The following MAP3K20 variants were observed in gnomAD, a reference collection of about 807,000 sequenced individuals.
The protein encoded by MAP3K20 is mitogen-activated protein kinase kinase kinase 20, also known as HCCS-4.
Under a neutral mutation model 85.7 loss-of-function variants are expected in MAP3K20, and 40 were observed. The observed-to-expected ratio is 0.47, with a 90% CI of 0.36 to 0.61. MAP3K20 has a LOEUF of 0.61. Among genes scored for constraint, MAP3K20 ranks in the 20% least tolerant of loss-of-function variants. The pLI is 0.00. For missense variants in MAP3K20, 817 were observed against 961.7 expected (o/e 0.85, Z 1.99); for synonymous variants, 325 against 327.7 (o/e 0.99, Z 0.09).
At chr2:173,105,252 A>C (rs967500716) in intron 2 of MAP3K20, among the ~76,000 whole-genome samples, 4 of 152,174 alleles carry the variant, frequency 2.6e-5, no homozygotes, top group Non-Finnish European at 2.9e-5. Context: ...GGGGCTAGGA[A>C]GGTTGCAGTG....
chr2:173,241,139 TAGAC>T (rs1684770897), intron 16 of MAP3K20, among the ~76,000 whole-genome samples: 3 of 152,256 alleles, frequency 2.0e-5, no homozygotes, highest in Admixed American at 6.5e-5. Flanking sequence ...GGTGAAAACA[TAGAC>T]AGAATGAATA....
At chr2:173,085,872 A>G (rs955258902) in intron 1 of MAP3K20, among the ~76,000 whole-genome samples, 1 of 132,230 alleles carries the variant, frequency 7.6e-6, no homozygotes, top group Non-Finnish European at 1.5e-5. Flanking sequence ...CTTGGCTCAC[A>G]GTAACCTCTG....
chr2:173,115,367 C>T (rs1003832018), intron 2 of MAP3K20, among the ~76,000 whole-genome samples: 3 of 152,082 alleles, frequency 2.0e-5, no homozygotes, highest in African/African-American at 7.2e-5. Flanking sequence ...CTGGTCCTTC[C>T]CTGATTAGCT....
At chr2:173,265,915 C>T in intron 19 of MAP3K20, 135 bp from the exon 20 acceptor site, 2 of 862,960 alleles carry the variant, frequency 2.3e-6, no homozygotes, top group South Asian at 1.8e-5. Flanking sequence ...CGTCCTTATA[C>T]ATAGCCTAGA....
chr2:173,190,876 TCC>T lies in MAP3K20; in HGVS notation c.416-18_416-17del. On this transcript the variant is annotated splice_polypyrimidine_tract_variant and intron_variant, in intron 5 of 19. Transcript: ENST00000375213. Reference sequence around the variant, plus strand: ...CAAATTAGATGATTGTCATAATTTATCCTTTTTTCTTTTTTTAGTTGTTATAG... The same window carrying T: ...CAAATTAGATGATTGTCATAATTTATTTTTTTCTTTTTTTAGTTGTTATAG... 5 of 1,575,346 alleles carry T rather than the reference TCC, an allele frequency of 3.2e-6. No individual in the cohort carries two copies. In the South Asian group the frequency reaches 5.7e-5, roughly 18 times the overall value.
chr2:173,221,645 G>C, intron 11 of MAP3K20: 1 of 1,344,846 alleles, frequency 7.4e-7, no homozygotes, highest in African/African-American at 1.5e-5. Flanking sequence ...TGCATTTTTA[G>C]GCCAATCACA....
intron 2 of MAP3K20, among the ~76,000 whole-genome samples, chr2:173,121,488 G>T (rs1047899888): frequency 3.3e-5 from 5 of 151,992 alleles, no homozygotes; most frequent in Non-Finnish European, 7.4e-5. Context: ...CCGGGTTCAC[G>T]CCATTCTCCT....
intron 2 of MAP3K20, among the ~76,000 whole-genome samples, chr2:173,112,041 G>A (rs577981242): frequency 3.2e-4 from 48 of 152,198 alleles, no homozygotes; most frequent in African/African-American, 8.2e-4. Flanking sequence ...CTACCCATCC[G>A]TGAGCATGGG....
chr2:173,162,013 A>G (rs958005324), intron 2 of MAP3K20, among the ~76,000 whole-genome samples: 9 of 152,202 alleles, frequency 5.9e-5, no homozygotes, highest in Non-Finnish European at 1.3e-4. Flanking sequence ...TACATATAAC[A>G]TGCCTGTACT....
intron 2 of MAP3K20, among the ~76,000 whole-genome samples, chr2:173,104,268 C>A (rs6759847): frequency 0.79 from 119,477 of 152,080 alleles, 47,240 homozygotes; most frequent in East Asian, 0.86. Flanking sequence ...ATTTGGTGAG[C>A]AAAGCATTTT....
At chr2:173,104,975 T>G (rs1166494089) in intron 2 of MAP3K20, among the ~76,000 whole-genome samples, 2 of 151,114 alleles carry the variant, frequency 1.3e-5, no homozygotes, top group Non-Finnish European at 3.0e-5. Flanking sequence ...TGGAGTGGAG[T>G]GTGTGAGGGA....
At chr2:173,161,989 G>C (rs1452256163) in intron 2 of MAP3K20, among the ~76,000 whole-genome samples, 6 of 152,066 alleles carry the variant, frequency 3.9e-5, no homozygotes, top group Non-Finnish European at 8.8e-5. Flanking sequence ...GTAGTCATAT[G>C]TTCTTATATA....
At chr2:173,112,036 C>T (rs1687989810) in intron 2 of MAP3K20, among the ~76,000 whole-genome samples, 2 of 152,190 alleles carry the variant, frequency 1.3e-5, no homozygotes, top group South Asian at 4.2e-4. Flanking sequence ...TGATTCTACC[C>T]ATCCGTGAGC....
At chr2:173,076,822 G>T (rs954246509) in intron 1 of MAP3K20, among the ~76,000 whole-genome samples, 2 of 152,334 alleles carry the variant, frequency 1.3e-5, no homozygotes, top group East Asian at 3.9e-4. Context: ...ACCAGGCCCA[G>T]AAGTGCTTAC....
intron 11 of MAP3K20, chr2:173,226,781 A>T: frequency 1.0e-6 from 1 of 985,072 alleles, no homozygotes; most frequent in Non-Finnish European, 1.2e-6. Flanking sequence ...TTGCACTCTT[A>T]AAATTTTTGT....
chr2:173,153,620 C>T lies in MAP3K20; in HGVS notation c.160-16185C>T, dbSNP rs114301738. Among the ~76,000 whole-genome samples, 134 of 152,336 alleles carry T rather than the reference C, an allele frequency of 8.8e-4. 1 individual carries two copies. Among genetic ancestry groups the T allele is most frequent in the African/African-American group, 2.9e-3 (120 of 41,592 alleles). On this transcript the variant is annotated intron_variant, in intron 2 of 19. Coordinates refer to ENST00000375213, the MANE Select transcript of MAP3K20 (RefSeq NM_016653.3). ...TGGGAAAGTAGTGATTCTTTTACCT[C>T]TGTAGGCCTTGCTGATCCTGGAAGA... is the stretch of plus-strand genomic sequence containing the variant.
intron 1 of MAP3K20, among the ~76,000 whole-genome samples, chr2:173,079,661 A>T (rs574021769): frequency 2.4e-5 from 3 of 126,024 alleles, no homozygotes; most frequent in Non-Finnish European, 5.0e-5. Flanking sequence ...TTAAAAAAAA[A>T]TTTGTTTTGC....
chr2:173,168,906 C>G (rs746239758), intron 2 of MAP3K20, among the ~76,000 whole-genome samples: 1 of 152,000 alleles, frequency 6.6e-6, no homozygotes, highest in South Asian at 2.1e-4. Context: ...ATAAATACAA[C>G]TTATTTTTAC....
intron 2 of MAP3K20, among the ~76,000 whole-genome samples, chr2:173,098,223 G>A (rs546267728): frequency 2.0e-5 from 3 of 152,112 alleles, no homozygotes; most frequent in Admixed American, 6.6e-5. Context: ...CGTCCAAAGC[G>A]GTGCTCAAGA....
Sources: allele counts gnomAD v4.1 joint callset (sites outside exome capture counted in the v4.1 genomes callset), GRCh38; gene constraint gnomAD v4.1.1; transcripts MANE v1.5; gene names NCBI Gene and HGNC (gene_info 2026-07-23, HGNC 2026-07-21).